The following PRKN variants were observed in gnomAD, a reference collection of about 807,000 sequenced individuals.
The protein encoded by PRKN is parkin RBR E3 ubiquitin protein ligase.
In PRKN, 56 loss-of-function variants were observed where a neutral mutation model predicts 59.5. The observed-to-expected ratio is 0.94, with a 90% CI of 0.76 to 1.18. The LOEUF (loss-of-function observed/expected upper bound fraction) is 1.18, where lower values mean the gene tolerates loss of function less well. Ranked by LOEUF, PRKN falls within the 50% of genes most tolerant of loss-of-function variation. The probability of loss-of-function intolerance (pLI) is 0.00; values close to 1 mark genes in which losing one functional copy is unlikely to be tolerated. For synonymous variants in PRKN, 250 were observed against 222.1 expected (o/e 1.13, Z -1.12); for missense variants, 657 against 596.4 (o/e 1.10, Z -1.06).
At chr6:162,265,278 T>C (rs1780078402) in intron 2 of PRKN, 1 of 152,230 alleles carries the variant, frequency 6.6e-6, no homozygotes, top group South Asian at 2.1e-4. Flanking sequence ...GCATACATCA[T>C]GCTCCCCACT....
Position 161,480,350 on chromosome 6 carries a change from G to A in PRKN, c.1083+68504C>T, listed in dbSNP as rs1791330692. Among the ~76,000 whole-genome samples the A allele has an allele frequency of 6.6e-6, 1 of 152,060 alleles. No individual in the cohort carries two copies. Among genetic ancestry groups the A allele is most frequent in the Non-Finnish European group, 1.5e-5 (1 of 68,020 alleles). ...TGGGGCCCTGTGAGTATGGGGCCCT[G>A]TGTGACTGTACAGGTCGCACACTCC... is the stretch of plus-strand genomic sequence containing the variant. On this transcript the variant is annotated intron_variant, in intron 9 of 11. Coordinates refer to ENST00000366898, the MANE Select transcript of PRKN (RefSeq NM_004562.3). The surrounding 1 kb of genome is among the most constrained non-coding windows in gnomAD (Gnocchi z 4.1).
chr6:162,578,948 C>T (rs922812227), intron 1 of PRKN, among the ~76,000 whole-genome samples: 2 of 152,126 alleles, frequency 1.3e-5, no homozygotes, highest in Admixed American at 6.5e-5. Context: ...AACTTAAACA[C>T]CATAAGACAG....
intron 2 of PRKN, among the ~76,000 whole-genome samples, chr6:162,388,075 T>G (rs907304239): frequency 9.2e-5 from 14 of 152,164 alleles, no homozygotes; most frequent in African/African-American, 3.1e-4. Flanking sequence ...TGGTTGTCAG[T>G]GACTGGGGTG....
chr6:161,616,422 T>C (rs1329050830), intron 7 of PRKN, among the ~76,000 whole-genome samples: 1 of 151,598 alleles, frequency 6.6e-6, no homozygotes, highest in Non-Finnish European at 1.5e-5. Flanking sequence ...TTTTTTTTTT[T>C]TAATTATACT....
intron 6 of PRKN, among the ~76,000 whole-genome samples, chr6:161,895,029 ATTTG>A (rs1251888283): frequency 6.6e-6 from 1 of 152,146 alleles, no homozygotes; most frequent in Admixed American, 6.5e-5. Context: ...TAGACCGCTT[ATTTG>A]TTGCTATTTT....
chr6:161,614,052 C>A (rs1782598334), intron 7 of PRKN, among the ~76,000 whole-genome samples: 1 of 152,180 alleles, frequency 6.6e-6, no homozygotes, highest in African/African-American at 2.4e-5. Context: ...CTGGAGGCAC[C>A]TGTACTCCCT....
chr6:162,452,422 C>G (rs977972612), intron 1 of PRKN, among the ~76,000 whole-genome samples: 1 of 131,556 alleles, frequency 7.6e-6, no homozygotes, highest in Non-Finnish European at 1.6e-5. Flanking sequence ...AATTCTATTC[C>G]ATGGGGAGTT....
chr6:161,449,782 A>G (rs1789647123), intron 9 of PRKN, among the ~76,000 whole-genome samples: 1 of 152,192 alleles, frequency 6.6e-6, no homozygotes, highest in South Asian at 2.1e-4. Context: ...TTTCTAGTTT[A>G]TAATGACATT....
At position 162,378,570 on chromosome 6, in the gene PRKN, ATAGT is replaced by A. The variant is rs1363022641; in HGVS notation, c.171+64736_171+64739del. ...ATGATTATTCAAGCTTTCGTCTGCTATAGTTAGTCTTGTATTTTCAGGATAATAA... is the reference window on the plus strand; with the variant it reads ...ATGATTATTCAAGCTTTCGTCTGCTATAGTCTTGTATTTTCAGGATAATAA... On this transcript the variant is annotated intron_variant, in intron 2 of 11. Coordinates refer to ENST00000366898, the MANE Select transcript of PRKN (RefSeq NM_004562.3). Among the ~76,000 whole-genome samples the A allele has an allele frequency of 6.6e-5, 10 of 152,370 alleles. No homozygotes were observed. In the East Asian group the frequency reaches 1.7e-3, roughly 26 times the overall value.
At chr6:161,852,531 AAC>A (rs1738451914) in intron 6 of PRKN, among the ~76,000 whole-genome samples, 1 of 152,146 alleles carries the variant, frequency 6.6e-6, no homozygotes, top group Non-Finnish European at 1.5e-5. Context: ...GCAAGAGCAG[AAC>A]ACAGAATGTT....
At chr6:162,588,087 T>C (rs767072573) in intron 1 of PRKN, among the ~76,000 whole-genome samples, 2 of 151,504 alleles carry the variant, frequency 1.3e-5, no homozygotes, top group African/African-American at 2.4e-5. Flanking sequence ...CTTGGCTCAC[T>C]GCAACCTCCG....
At chr6:161,681,393 C>A (rs1374043078) in intron 7 of PRKN, among the ~76,000 whole-genome samples, 1 of 151,696 alleles carries the variant, frequency 6.6e-6, no homozygotes, top group Non-Finnish European at 1.5e-5. Flanking sequence ...GGAAAAATAA[C>A]TTAAGTTATC....
At chr6:162,486,929 G>C (rs1792570520) in intron 1 of PRKN, among the ~76,000 whole-genome samples, 2 of 152,040 alleles carry the variant, frequency 1.3e-5, no homozygotes, top group Admixed American at 1.3e-4. Context: ...AATTAGCCGG[G>C]CGTGGTAGTG....
intron 7 of PRKN, among the ~76,000 whole-genome samples, chr6:161,682,882 T>A (rs887618342): frequency 3.3e-5 from 5 of 152,050 alleles, no homozygotes; most frequent in African/African-American, 1.2e-4. Context: ...CTGAGCTGCT[T>A]TGAGCCTCAG....
chr6:162,534,793 C>A (rs1484543614), intron 1 of PRKN, among the ~76,000 whole-genome samples: 1 of 152,144 alleles, frequency 6.6e-6, no homozygotes, highest in East Asian at 1.9e-4. Context: ...AAGAGCCATG[C>A]AGACTGCATC....
At position 161,788,734 on chromosome 6, in the gene PRKN, C is replaced by T. The variant is rs966618938; in HGVS notation, c.735-2826G>A. On this transcript the variant is annotated intron_variant, in intron 6 of 11. Coordinates refer to ENST00000366898, the MANE Select transcript of PRKN (RefSeq NM_004562.3). ...CCCAGACGCAGGTGTGGAATGCAAC[C>T]GGGGAAGCTGGAATGTTGTGTGTGT... Among the ~76,000 whole-genome samples the T allele has an allele frequency of 6.6e-5, 10 of 152,114 alleles. No individual in the cohort carries two copies. The South Asian group carries it at 1.2e-3, about 19-fold the overall frequency.
chr6:162,391,729 A>G lies in PRKN; in HGVS notation c.171+51581T>C, dbSNP rs185202371. Among the ~76,000 whole-genome samples the G allele has an allele frequency of 2.6e-5, 4 of 152,310 alleles. No homozygotes were observed. In the East Asian group the frequency reaches 7.7e-4, roughly 29 times the overall value. ...TCATGCTTGACAGCTGGGTCTCCAC[A>G]CTGCATCACTTCCAGGCTCCTTTCA... On this transcript the variant is annotated intron_variant, in intron 2 of 11. Coordinates refer to ENST00000366898, the MANE Select transcript of PRKN (RefSeq NM_004562.3).
chr6:162,302,995 C>T (rs1583343121), intron 2 of PRKN, among the ~76,000 whole-genome samples: 2 of 151,662 alleles, frequency 1.3e-5, no homozygotes, highest in African/African-American at 4.8e-5. Context: ...CACACACACA[C>T]ACACAGACAC....
chr6:162,528,147 C>A (rs907841965), intron 1 of PRKN, among the ~76,000 whole-genome samples: 3 of 151,840 alleles, frequency 2.0e-5, no homozygotes, highest in Admixed American at 6.6e-5. Context: ...ACGGTGAAAC[C>A]CTGTTTCTAC....
Sources: gnomAD v4.1 joint callset for allele counts (sites outside exome capture counted in the v4.1 genomes callset) on GRCh38, gnomAD v4.1.1 for gene constraint, Gnocchi (gnomAD v3.1) non-coding constraint, MANE v1.5 for transcripts, NCBI Gene and HGNC (gene_info 2026-07-23, HGNC 2026-07-21) for gene names.